The following GATAD2A variants were observed in gnomAD, a reference collection of about 807,000 sequenced individuals.
GATAD2A encodes GATA zinc finger domain containing 2A, also known as transcriptional repressor p66-alpha.
GATAD2A carries 12 observed loss-of-function variants against 68.5 expected under a neutral mutation model. The ratio of observed to expected loss-of-function variants is 0.18; its 90% CI spans 0.11 to 0.28. The LOEUF (loss-of-function observed/expected upper bound fraction) is 0.28. Among genes scored for constraint, GATAD2A ranks in the 10% least tolerant of loss-of-function variants. The pLI, the probability that GATAD2A is intolerant of heterozygous loss-of-function variation, is 1.00. For missense variants in GATAD2A, 755 were observed against 868.5 expected (o/e 0.87, Z 1.64); for synonymous variants, 410 against 375.3 (o/e 1.09, Z -1.07).
At chr19:19,399,437 C>T (rs548992155) in intron 1 of GATAD2A, among the ~76,000 whole-genome samples, 4 of 152,190 alleles carry the variant, frequency 2.6e-5, no homozygotes, top group East Asian at 3.9e-4. Context: ...GTGATCTGCC[C>T]GCCTGGGTCT....
At chr19:19,414,700 C>A (rs2051372597) in intron 1 of GATAD2A, among the ~76,000 whole-genome samples, 1 of 144,856 alleles carries the variant, frequency 6.9e-6, no homozygotes, top group Admixed American at 6.9e-5. Context: ...CCACGCCCAG[C>A]TCTTTTTTTT....
chr19:19,490,173 G>A (rs1238704306), intron 2 of GATAD2A, among the ~76,000 whole-genome samples: 1 of 152,184 alleles, frequency 6.6e-6, no homozygotes, highest in Non-Finnish European at 1.5e-5. Flanking sequence ...CAGGTCTCTG[G>A]TGAGAAGCTG....
chr19:19,387,713 C>T (rs2048543840), intron 1 of GATAD2A, among the ~76,000 whole-genome samples: 1 of 152,006 alleles, frequency 6.6e-6, no homozygotes. Flanking sequence ...TGAGGTATAC[C>T]CCTACTTTAC....
At chr19:19,485,133 T>A (rs2059348039) in intron 2 of GATAD2A, among the ~76,000 whole-genome samples, 1 of 152,200 alleles carries the variant, frequency 6.6e-6, no homozygotes, top group South Asian at 2.1e-4. Flanking sequence ...GCTTTAAGGC[T>A]CAGTGGGTAG....
chr19:19,435,661 C>G (rs2147522578), intron 1 of GATAD2A, among the ~76,000 whole-genome samples: 1 of 152,226 alleles, frequency 6.6e-6, no homozygotes, highest in Non-Finnish European at 1.5e-5. Context: ...ACCAGCCTGG[C>G]CAACATGGCA....
In GATAD2A at chr19:19,508,915, G is replaced by T. The variant is rs2060980188; in HGVS notation, c.*3441G>T. 6.6e-6 allele frequency: 1 copy of T among 152,186 alleles called. No individual in the cohort carries two copies. Among genetic ancestry groups the T allele is most frequent in the African/African-American group, 2.4e-5 (1 of 41,446 alleles). The allele number at this position is 152,186 out of a possible 1,614,324, so 9.4% of individuals were successfully genotyped here. ...TTTAGACTCTGAAGGATAATAAATG[G>T]ATGATGTGTCAACTGGACTTTTCTT... is the stretch of plus-strand genomic sequence containing the variant. On this transcript the variant is annotated 3_prime_UTR_variant, in exon 12 of 12. Coordinates refer to ENST00000683918, the MANE Select transcript of GATAD2A (RefSeq NM_001384528.1).
chr19:19,427,825 C>T (rs1226913695), intron 1 of GATAD2A: 1 of 152,206 alleles, frequency 6.6e-6, no homozygotes, highest in Non-Finnish European at 1.5e-5. Flanking sequence ...AGGCGTGCGT[C>T]ACCACACCCA....
intron 1 of GATAD2A, among the ~76,000 whole-genome samples, chr19:19,430,976 G>GGGTGTGTGT (rs140794575): frequency 3.3e-4 from 45 of 136,776 alleles, no homozygotes; most frequent in African/African-American, 1.1e-3. Context: ...GTATGGTAGG[G>GGGTGTGTGT]GTGTGTGTGT....
chr19:19,446,576 A>G (rs996443838), intron 1 of GATAD2A, among the ~76,000 whole-genome samples: 1 of 151,618 alleles, frequency 6.6e-6, no homozygotes, highest in Non-Finnish European at 1.5e-5. Context: ...TATTGTGCTT[A>G]TATGTAAGAC....
intron 1 of GATAD2A, among the ~76,000 whole-genome samples, chr19:19,434,787 G>A (rs536518783): frequency 1.3e-5 from 2 of 152,302 alleles, no homozygotes; most frequent in Admixed American, 6.5e-5. Flanking sequence ...ATATTGTAGA[G>A]CATTAGTTTT....
chr19:19,435,976 G>A (rs2054291642), intron 1 of GATAD2A, among the ~76,000 whole-genome samples: 2 of 152,146 alleles, frequency 1.3e-5, no homozygotes, highest in African/African-American at 4.8e-5. Context: ...TGTTTCCTCC[G>A]ACTGTCCCCA....
At position 19,505,377 on chromosome 19, in the gene GATAD2A, C is replaced by T. The variant is rs751719552; in HGVS notation, c.1808C>T (p.Ala603Val). ...GTLAFVSPSLAVHKSSSAVDR... is the reference protein window; with the variant it reads ...GTLAFVSPSLVVHKSSSAVDR... ...CTTGCGTTTGTCAGCCCAAGCCTGG[C>T]GGTGCACAAGAGCTCCTCGGCCGTG... The change falls in exon 12 of 12, where the codon GCG (alanine) becomes GTG (valine). Residue 603 changes from alanine (A) to valine (V), a missense_variant. Ala to Val is a moderately conservative substitution (Grantham distance 64). Coordinates refer to ENST00000683918, the MANE Select transcript of GATAD2A (RefSeq NM_001384528.1). The T allele has an allele frequency of 3.9e-5, 63 of 1,612,776 alleles. No homozygotes were observed. The highest frequency in any genetic ancestry group is 1.4e-5 in the Non-Finnish European group (16 of 1,179,518).
intron 1 of GATAD2A, among the ~76,000 whole-genome samples, chr19:19,429,748 G>T (rs1176881931): frequency 6.6e-6 from 1 of 151,982 alleles, no homozygotes; most frequent in African/African-American, 2.4e-5. Flanking sequence ...GAGAGCAGAG[G>T]TGGGAACTCC....
intron 1 of GATAD2A, among the ~76,000 whole-genome samples, chr19:19,400,138 A>C (rs1222550104): frequency 1.3e-5 from 2 of 152,178 alleles, no homozygotes; most frequent in Non-Finnish European, 2.9e-5. Flanking sequence ...AACTAGTGAC[A>C]CATGGCAGAT....
chr19:19,430,825 G>A (rs987298845), intron 1 of GATAD2A, among the ~76,000 whole-genome samples: 2 of 152,198 alleles, frequency 1.3e-5, no homozygotes, highest in African/African-American at 2.4e-5. Flanking sequence ...TCGCTAGCCT[G>A]AGCTTGAGAG....
At chr19:19,409,861 TC>T (rs1568707114) in intron 1 of GATAD2A, among the ~76,000 whole-genome samples, 1 of 152,142 alleles carries the variant, frequency 6.6e-6, no homozygotes, top group Non-Finnish European at 1.5e-5. Flanking sequence ...TTCTTGCCCC[TC>T]CCCCACCTTG....
intron 4 of GATAD2A, among the ~76,000 whole-genome samples, chr19:19,493,453 A>G (rs953530489): frequency 6.6e-6 from 1 of 152,190 alleles, no homozygotes; most frequent in Admixed American, 6.5e-5. Flanking sequence ...CTCAGCCCCA[A>G]CTGTCGGGAG....
chr19:19,394,043 C>T (rs911639806), intron 1 of GATAD2A, among the ~76,000 whole-genome samples: 6 of 151,874 alleles, frequency 4.0e-5, no homozygotes, highest in Non-Finnish European at 8.8e-5. Flanking sequence ...CCTGCCACCA[C>T]GGCTGGCTAA....
At chr19:19,390,721 G>T (rs1218935342) in intron 1 of GATAD2A, among the ~76,000 whole-genome samples, 1 of 152,194 alleles carries the variant, frequency 6.6e-6, no homozygotes, top group African/African-American at 2.4e-5. Context: ...GATGAACTAT[G>T]TACGCCTAAG....
Sources: gnomAD v4.1 joint callset for allele counts (sites outside exome capture counted in the v4.1 genomes callset) on GRCh38, gnomAD v4.1.1 for gene constraint, MANE v1.5 for transcripts, NCBI Gene and HGNC (gene_info 2026-07-23, HGNC 2026-07-21) for gene names.